The following FAT1 variants were observed in gnomAD, a reference collection of about 807,000 sequenced individuals.
The protein encoded by FAT1 is FAT atypical cadherin 1.
In FAT1, 171 loss-of-function variants were observed where a neutral mutation model predicts 329.8. The observed-to-expected ratio is 0.52, with a 90% confidence interval of 0.46 to 0.59. The LOEUF (loss-of-function observed/expected upper bound fraction) is 0.59, where lower values mean the gene tolerates loss of function less well. FAT1 is among the 20% of genes least tolerant of loss of function. FAT1 has a pLI of 0.00. For synonymous variants in FAT1, 2,233 were observed against 2,228.6 expected (o/e 1.00, Z -0.06); for missense variants, 5,672 against 5,774.4 (o/e 0.98, Z 0.57).
At position 186,603,306 on chromosome 4, in the gene FAT1, T is replaced by G. The variant is rs1266110414; in HGVS notation, c.11220A>C (p.Gly3740=). ...ILNVFQKLCA[G]LDCPWKFCDE... ...CGCAGAACTTCCAGGGGCAGTCCAGTCCCGCGCAGAGTTTCTGGAATACAT... is the reference window on the plus strand; with the variant it reads ...CGCAGAACTTCCAGGGGCAGTCCAGGCCCGCGCAGAGTTTCTGGAATACAT... Residue 3740 remains glycine, a synonymous_variant, in exon 19 of 27, where the codon GGA becomes GGC. Transcript: ENST00000441802. 1.9e-6 allele frequency: 3 copies of G among 1,613,982 alleles called. No individual in the cohort carries two copies. Among genetic ancestry groups the G allele is most frequent in the Non-Finnish European group, 1.7e-6 (2 of 1,179,886 alleles).
intron 2 of FAT1, 58 bp downstream of exon 2, chr4:186,706,505 T>TAA (rs200130748): frequency 3.5e-4 from 495 of 1,402,252 alleles, no homozygotes; most frequent in Non-Finnish European, 4.0e-4. Context: ...GGCAGATGGT[T>TAA]AAAAAAAAAA....
In FAT1 at chr4:186,636,200, T is replaced by C. The variant is rs1467955135; in HGVS notation, c.4008A>G (p.Ser1336=). 20 of 1,613,938 alleles carry C rather than the reference T, an allele frequency of 1.2e-5. No homozygotes were observed. Among genetic ancestry groups the C allele is most frequent in the Non-Finnish European group, 1.5e-5 (18 of 1,179,910 alleles). ...KAVDNGRPQK[S]STTRLHIEWI... ...ATTCAATATGGAGTCTGGTGGTTGA[T>C]GACTTTTGAGGGCGACCATTGTCAA... The change falls in exon 6 of 27, where the codon TCA becomes TCG. Residue 1336 remains serine (S), a synonymous_variant. Coordinates refer to ENST00000441802, the MANE Select transcript of FAT1 (RefSeq NM_005245.4).
intron 24 of FAT1, chr4:186,597,403 T>TTGG: frequency 1.7e-6 from 1 of 590,646 alleles, no homozygotes; most frequent in Non-Finnish European, 2.9e-6. Context: ...AGGAAACATA[T>TTGG]CAAGCCAATA....
chr4:186,639,535 T>C (rs913012476), intron 4 of FAT1, among the ~76,000 whole-genome samples, 187 bp downstream of exon 4: 1 of 152,192 alleles, frequency 6.6e-6, no homozygotes, highest in East Asian at 1.9e-4. Context: ...TATTGAGGGA[T>C]AAAGGGGACA....
chr4:186,692,232 C>T (rs559226096), intron 2 of FAT1, among the ~76,000 whole-genome samples: 18 of 152,372 alleles, frequency 1.2e-4, no homozygotes, highest in Admixed American at 7.2e-4. Flanking sequence ...GTTGCACATA[C>T]GTCCCGTAAC....
chr4:186,619,113 A>G lies in FAT1; in HGVS notation c.7473T>C (p.Ala2491=), dbSNP rs2126502324. ...CCACTTCATATTCGTTCTGAAGGAA[A>G]GCAGGACTGTGCAAATTGCCTCCAA... ...TVIGGNLHSP[A]FLQNEYEVEL... is the part of the protein sequence containing the mutation. The change falls in exon 10 of 27, where the codon GCT becomes GCC. Residue 2491 remains alanine (A), a synonymous_variant. Transcript: ENST00000441802. The G allele has an allele frequency of 6.2e-7, 1 of 1,614,006 alleles. No homozygotes were observed. Among genetic ancestry groups the G allele is most frequent in the South Asian group, 1.1e-5 (1 of 91,086 alleles).
rs1458251583 is a variant in FAT1 at position 186,708,962 on chromosome 4, A to G, written c.866T>C (p.Ile289Thr). The change falls in exon 2 of 27, where the codon ATA becomes ACA. Residue 289 changes from isoleucine to threonine, a missense_variant. Transcript: ENST00000441802. Reference sequence around the variant, plus strand: ...ACCTGCCACGATGCTTAAAGATGCTATGTCACCATTGGCACCCTGATCGCA... The same window carrying G: ...ACCTGCCACGATGCTTAAAGATGCTGTGTCACCATTGGCACCCTGATCGCA... ...DDCDQGANGD[I>T]ASLSIVAGDL... is the part of the protein sequence containing the mutation. 5.6e-6 allele frequency: 9 copies of G among 1,613,870 alleles called. No homozygotes were observed. Among genetic ancestry groups the G allele is most frequent in the Non-Finnish European group, 7.6e-6 (9 of 1,179,892 alleles).
intron 11 of FAT1, among the ~76,000 whole-genome samples, chr4:186,615,572 C>T (rs912894524): frequency 1.3e-5 from 2 of 152,074 alleles, no homozygotes; most frequent in African/African-American, 2.4e-5. Context: ...CATCCATCCA[C>T]GTCCTGCTAC....
At chr4:186,686,187 A>G (rs1405652635) in intron 2 of FAT1, among the ~76,000 whole-genome samples, 1 of 152,030 alleles carries the variant, frequency 6.6e-6, no homozygotes, top group African/African-American at 2.4e-5. Flanking sequence ...AGAGTTCCCC[A>G]TGGTGCAGGA....
chr4:186,640,466 G>C (rs1466292986), intron 3 of FAT1, among the ~76,000 whole-genome samples: 1 of 152,130 alleles, frequency 6.6e-6, no homozygotes, highest in Non-Finnish European at 1.5e-5. Context: ...AGATAACTGA[G>C]AGTTGACAGA....
chr4:186,591,415 T>C (rs933303786), intron 26 of FAT1, among the ~76,000 whole-genome samples: 1 of 152,238 alleles, frequency 6.6e-6, no homozygotes, highest in African/African-American at 2.4e-5. Flanking sequence ...TTAGGTAACA[T>C]GTATCTACAG....
At position 186,606,134 on chromosome 4, in the gene FAT1, T is replaced by A; in HGVS notation, c.10286A>T (p.Asp3429Val). 6.2e-7 allele frequency: 1 copy of A among 1,612,910 alleles called. No homozygotes were observed. Among genetic ancestry groups the A allele is most frequent in the Non-Finnish European group, 8.5e-7 (1 of 1,179,472 alleles). Residue 3429 changes from aspartate to valine, a missense_variant, in exon 17 of 27, where the codon GAT becomes GTT. Physicochemically the swap from Asp to Val is radical, Grantham distance 152 (BLOSUM62 -3). Coordinates refer to ENST00000441802, the MANE Select transcript of FAT1 (RefSeq NM_005245.4). ...CGCGTTGTCATTGACATCGGACACATCGATGTTCACGGTCGTCGTGTTGAC... is the reference window on the plus strand; with the variant it reads ...CGCGTTGTCATTGACATCGGACACAACGATGTTCACGGTCGTCGTGTTGAC... ...PRVNTTTVNI[D>V]VSDVNDNAPV...
chr4:186,644,286 C>T (rs1741251551), intron 3 of FAT1, among the ~76,000 whole-genome samples: 4 of 152,124 alleles, frequency 2.6e-5, no homozygotes, highest in Non-Finnish European at 5.9e-5. Context: ...TCCAAAAAAG[C>T]AAGTTAGGAG....
intron 2 of FAT1, among the ~76,000 whole-genome samples, chr4:186,672,100 A>G (rs1032032211): frequency 5.3e-5 from 8 of 152,224 alleles, no homozygotes; most frequent in African/African-American, 1.9e-4. Flanking sequence ...CATAAAACAT[A>G]AGGAATATGT....
chr4:186,690,228 T>C (rs1743689556), intron 2 of FAT1, among the ~76,000 whole-genome samples: 1 of 152,190 alleles, frequency 6.6e-6, no homozygotes, highest in Admixed American at 6.5e-5. Context: ...AAGTTTACTA[T>C]TCATTAGAAT....
Position 186,707,108 on chromosome 4 carries a change from A to G in FAT1, c.2720T>C (p.Leu907Pro), listed in dbSNP as rs1308605508. The G allele has an allele frequency of 6.2e-7, 1 of 1,613,898 alleles. No individual in the cohort carries two copies. The highest frequency in any genetic ancestry group is 1.3e-5 in the African/African-American group (1 of 74,934). ...TACTTTCACAACGACAGTGGAGAAC[A>G]GCTGAGGCTCTTCTCTGGCTTGGTC... ...ARDQAREEPQ[L>P]FSTVVVKVSL... Residue 907 changes from leucine to proline, a missense_variant, in exon 2 of 27, where the codon CTG becomes CCG. This residue lies in a region of FAT1 where 3,966 missense variants were observed against 3,915.2 expected (regional missense o/e 1.01). Coordinates refer to ENST00000441802, the MANE Select transcript of FAT1 (RefSeq NM_005245.4).
chr4:186,724,182 C>CA (rs1745622850), upstream of FAT1, among the ~76,000 whole-genome samples: 2 of 50,748 alleles, frequency 3.9e-5, no homozygotes, highest in South Asian at 6.2e-4. This position sits in a 1 kb window ranked among gnomAD's most constrained non-coding sequence, Gnocchi z 5.3. Context: ...GTTAGCTTAG[C>CA]TAAAAAAAAA....
intron 3 of FAT1, among the ~76,000 whole-genome samples, chr4:186,652,114 A>G (rs900027817): frequency 5.3e-5 from 8 of 152,348 alleles, no homozygotes; most frequent in African/African-American, 1.9e-4. Flanking sequence ...CCTAGTCTTC[A>G]GACGTCTCTT....
At chr4:186,677,164 G>A (rs1742999519) in intron 2 of FAT1, among the ~76,000 whole-genome samples, 1 of 152,106 alleles carries the variant, frequency 6.6e-6, no homozygotes. Context: ...TTTAAAAATT[G>A]CAAACTGAAG....
Sources: allele counts gnomAD v4.1 joint callset (sites outside exome capture counted in the v4.1 genomes callset), GRCh38; gene constraint gnomAD v4.1.1; regional missense constraint gnomAD v4.1.1; non-coding constraint Gnocchi (gnomAD v3.1); transcripts MANE v1.5; gene names NCBI Gene and HGNC (gene_info 2026-07-23, HGNC 2026-07-21).